The following ROBO2 variants were observed in gnomAD, a reference collection of about 807,000 sequenced individuals.
The protein encoded by ROBO2 is roundabout homolog 2.
In ROBO2, 53 loss-of-function variants were observed where a neutral mutation model predicts 160.8. The observed-to-expected ratio is 0.33, with a 90% CI of 0.26 to 0.41. The LOEUF is 0.41. Ranked by LOEUF, ROBO2 falls within the 10% of genes least tolerant of loss-of-function variation. The pLI, the probability that ROBO2 is intolerant of heterozygous loss-of-function variation, is 1.00. For synonymous variants in ROBO2, 664 were observed against 611.7 expected, an observed-to-expected ratio of 1.09 and a Z score of -1.26; for missense variants, 1,577 against 1,722.4, an observed-to-expected ratio of 0.92 and a Z score of 1.49.
chr3:77,096,265 C>T (rs978406909), intron 1 of ROBO2, among the ~76,000 whole-genome samples: 1 of 151,966 alleles, frequency 6.6e-6, no homozygotes, highest in African/African-American at 2.4e-5. Flanking sequence ...ATCATTATGT[C>T]CCCATATATG....
chr3:77,345,382 T>G (rs561426378), intron 2 of ROBO2, among the ~76,000 whole-genome samples: 1 of 152,140 alleles, frequency 6.6e-6, no homozygotes, highest in Non-Finnish European at 1.5e-5. Context: ...TGGTCATAGA[T>G]GTCAGCCCCA....
intron 2 of ROBO2, among the ~76,000 whole-genome samples, chr3:76,610,508 C>T (rs2088017817): frequency 6.6e-6 from 1 of 152,180 alleles, no homozygotes; most frequent in Admixed American, 6.5e-5. Flanking sequence ...AATTGTGGGG[C>T]CCCAAGGGGT....
intron 2 of ROBO2, among the ~76,000 whole-genome samples, chr3:77,162,864 C>G (rs554647953): frequency 6.6e-6 from 1 of 152,072 alleles, no homozygotes; most frequent in East Asian, 1.9e-4. Context: ...GAGTCTTGCT[C>G]TGTCTCCCAG....
intron 2 of ROBO2, among the ~76,000 whole-genome samples, chr3:77,408,115 A>C (rs1171231021): frequency 6.6e-6 from 1 of 152,088 alleles, no homozygotes; most frequent in African/African-American, 2.4e-5. Context: ...AAATAAACAA[A>C]CAAAAAAACC....
chr3:76,306,033 T>A (rs950068439), intron 2 of ROBO2, among the ~76,000 whole-genome samples: 2 of 152,130 alleles, frequency 1.3e-5, no homozygotes, highest in Admixed American at 6.6e-5. Flanking sequence ...TGAGTTGCAC[T>A]CTTTCAACCT....
chr3:77,000,832 G>A (rs1414028156), intron 2 of ROBO2, among the ~76,000 whole-genome samples: 1 of 152,126 alleles, frequency 6.6e-6, no homozygotes, highest in Non-Finnish European at 1.5e-5. Flanking sequence ...CATCTAAAGT[G>A]CTTTTTAGTT....
intron 2 of ROBO2, among the ~76,000 whole-genome samples, chr3:76,628,920 A>C (rs2089845973): frequency 6.6e-6 from 1 of 152,180 alleles, no homozygotes; most frequent in Non-Finnish European, 1.5e-5. Context: ...TGTTGAGTAG[A>C]AGTCTATATT....
intron 2 of ROBO2, among the ~76,000 whole-genome samples, chr3:76,204,709 A>G (rs1575860318): frequency 6.6e-6 from 1 of 152,286 alleles, no homozygotes; most frequent in East Asian, 1.9e-4. Flanking sequence ...TAACCCATAA[A>G]TTGAGCATTT....
At chr3:76,499,673 G>C (rs576641000) in intron 2 of ROBO2, among the ~76,000 whole-genome samples, 1 of 152,280 alleles carries the variant, frequency 6.6e-6, no homozygotes, top group East Asian at 1.9e-4. Flanking sequence ...ACCAAACACT[G>C]AAAGTAGAGT....
intron 2 of ROBO2, among the ~76,000 whole-genome samples, chr3:77,199,699 C>T (rs1453162269): frequency 6.7e-6 from 1 of 149,600 alleles, no homozygotes; most frequent in Non-Finnish European, 1.5e-5. Context: ...TTACGGCCCA[C>T]TGCACCTCAG....
intron 19 of ROBO2, 103 bp from the exon 21 acceptor site, chr3:77,602,107 T>A: frequency 8.4e-7 from 1 of 1,189,698 alleles, no homozygotes; most frequent in Non-Finnish European, 1.3e-6. Context: ...TCAGCTGAAA[T>A]GCAAACGTGC....
At chr3:76,562,412 T>C (rs1333149167) in intron 2 of ROBO2, among the ~76,000 whole-genome samples, 1 of 150,984 alleles carries the variant, frequency 6.6e-6, no homozygotes, top group East Asian at 2.0e-4. Context: ...TCAAGCTTCC[T>C]ACTGATACAT....
chr3:76,289,134 T>C (rs1055319058), intron 2 of ROBO2, among the ~76,000 whole-genome samples: 1 of 152,218 alleles, frequency 6.6e-6, no homozygotes, highest in African/African-American at 2.4e-5. Context: ...GGTTCCCTTT[T>C]GTCCACAACC....
At chr3:77,626,447 A>C (rs2095029102) in intron 23 of ROBO2, among the ~76,000 whole-genome samples, 1 of 152,206 alleles carries the variant, frequency 6.6e-6, no homozygotes, top group Admixed American at 6.5e-5. Context: ...AATAAAATAC[A>C]ACATATTTAT....
chr3:77,485,364 A>G (rs1004484420), intron 4 of ROBO2, among the ~76,000 whole-genome samples: 1 of 152,086 alleles, frequency 6.6e-6, no homozygotes, highest in Non-Finnish European at 1.5e-5. Flanking sequence ...TTAGCATCTC[A>G]TGATGCTCTT....
intron 2 of ROBO2, among the ~76,000 whole-genome samples, chr3:77,313,054 G>A (rs1421893768): frequency 1.3e-5 from 2 of 152,162 alleles, no homozygotes; most frequent in African/African-American, 4.8e-5. Context: ...TTCTTATGTG[G>A]AAATGGTGTA....
At chr3:76,619,566 A>G (rs2088894461) in intron 2 of ROBO2, among the ~76,000 whole-genome samples, 2 of 152,224 alleles carry the variant, frequency 1.3e-5, no homozygotes, top group South Asian at 4.1e-4. Context: ...CCATACAGTA[A>G]GGATATTAAA....
At chr3:76,315,293 C>T (rs2071920226) in intron 2 of ROBO2, among the ~76,000 whole-genome samples, 1 of 152,272 alleles carries the variant, frequency 6.6e-6, no homozygotes, top group Non-Finnish European at 1.5e-5. Flanking sequence ...TTTAATAACT[C>T]AGAAAATTAT....
At chr3:77,450,091 A>G (rs2080969593) in intron 2 of ROBO2, among the ~76,000 whole-genome samples, 2 of 152,102 alleles carry the variant, frequency 1.3e-5, no homozygotes, top group Non-Finnish European at 2.9e-5. Context: ...TGTCCATATG[A>G]GAAATAGCTC....
Sources: gnomAD v4.1 joint callset for allele counts (sites outside exome capture counted in the v4.1 genomes callset) on GRCh38, gnomAD v4.1.1 for gene constraint, MANE v1.5 for transcripts, NCBI Gene and HGNC (gene_info 2026-07-23, HGNC 2026-07-21) for gene names.